Variants in DMD observed in about 807,000 individuals in gnomAD.
DMD encodes dystrophin.
In DMD, 63 loss-of-function variants were observed where a neutral mutation model predicts 330.1. The observed-to-expected ratio is 0.19, with a 90% CI of 0.16 to 0.24. The LOEUF (loss-of-function observed/expected upper bound fraction) is 0.24, where lower values mean the gene tolerates loss of function less well. Ranked by LOEUF, DMD falls within the 10% of genes least tolerant of loss-of-function variation. The pLI, the probability that DMD is intolerant of heterozygous loss-of-function variation, is 1.00. For synonymous variants in DMD, 1,223 were observed against 959.8 expected (o/e 1.27, Z -5.07); for missense variants, 3,344 against 2,684.1 (o/e 1.25, Z -5.43).
intron 4 of DMD, among the ~76,000 whole-genome samples, chrX:32,830,337 G>A (rs2079057390): frequency 9.1e-6 from 1 of 110,259 alleles, no homozygotes; most frequent in Non-Finnish European, 1.9e-5. Flanking sequence ...TGTCTTTCAA[G>A]AATTATCAGT....
chrX:31,267,105 G>GAGAAAGAAAGAAAGAAAGAAAGAA (rs72467955), intron 62 of DMD, among the ~76,000 whole-genome samples: 58 of 105,886 alleles, frequency 5.5e-4, no homozygotes, highest in Non-Finnish European at 8.4e-4. Flanking sequence ...AAAAAGAAAA[G>GAGAAAGAAAGAAAGAAAGAAAGAA]AGAAAGAAAG....
chrX:32,433,444 G>A (rs1298573553), intron 29 of DMD, among the ~76,000 whole-genome samples: 4 of 112,023 alleles, frequency 3.6e-5, no homozygotes, highest in East Asian at 2.8e-4. Context: ...TTGGGAGGCC[G>A]AGGCGGGCGG....
chrX:32,852,210 GATAAGGC>G (rs1174152151), intron 2 of DMD, among the ~76,000 whole-genome samples: 1 of 111,467 alleles, frequency 9.0e-6, no homozygotes, highest in Non-Finnish European at 1.9e-5. Context: ...ACCACAGTAG[GATAAGGC>G]ATCAGGCAGA....
chrX:32,675,571 C>G (rs1185385580), intron 9 of DMD, among the ~76,000 whole-genome samples: 2 of 111,398 alleles, frequency 1.8e-5, no homozygotes, highest in East Asian at 5.6e-4. Flanking sequence ...GAAGTGTGTG[C>G]ATAAGTGTGT....
At chrX:32,722,246 G>A (rs1189812705) in intron 7 of DMD, among the ~76,000 whole-genome samples, 1 of 109,916 alleles carries the variant, frequency 9.1e-6, no homozygotes, top group Admixed American at 9.8e-5. Flanking sequence ...TTCCACGGAT[G>A]CAACTGTAGA....
intron 60 of DMD, among the ~76,000 whole-genome samples, chrX:31,401,377 T>C (rs932835050): frequency 8.9e-6 from 1 of 112,147 alleles, no homozygotes; most frequent in South Asian, 3.7e-4. Context: ...GGATAAGAAA[T>C]AGAAAAACTT....
chrX:32,835,757 T>A (rs952882058), intron 4 of DMD, among the ~76,000 whole-genome samples: 3 of 111,475 alleles, frequency 2.7e-5, no homozygotes, highest in Non-Finnish European at 5.6e-5. Flanking sequence ...AACTAGTGAT[T>A]TATGGCAGAG....
At chrX:33,187,598 T>G (rs1269499275) in intron 1 of DMD, among the ~76,000 whole-genome samples, 1 of 111,249 alleles carries the variant, frequency 9.0e-6, no homozygotes, top group Non-Finnish European at 1.9e-5. Context: ...AAAAATAAGG[T>G]AGTTTAGCAT....
At chrX:31,583,349 T>C (rs1290681971) in intron 55 of DMD, among the ~76,000 whole-genome samples, 2 of 111,700 alleles carry the variant, frequency 1.8e-5, no homozygotes, top group South Asian at 3.8e-4. Flanking sequence ...ATACTTATTA[T>C]GGAAGAGGCT....
intron 57 of DMD, among the ~76,000 whole-genome samples, chrX:31,479,694 T>G (rs2068093500): frequency 8.9e-6 from 1 of 112,387 alleles, no homozygotes; most frequent in Admixed American, 9.4e-5. Flanking sequence ...AGAAATGTTT[T>G]GAGCTATTAT....
chrX:32,534,783 G>T (rs2047803856), intron 17 of DMD, among the ~76,000 whole-genome samples: 1 of 110,352 alleles, frequency 9.1e-6, no homozygotes, highest in African/African-American at 3.3e-5. Flanking sequence ...ATCTTCCAAA[G>T]TCTCCATTTC....
chrX:32,024,892 A>C (rs1382306948), intron 44 of DMD, among the ~76,000 whole-genome samples: 1 of 112,016 alleles, frequency 8.9e-6, no homozygotes, highest in Non-Finnish European at 1.9e-5. Flanking sequence ...CCACTTTATG[A>C]GGGATCATGT....
chrX:32,654,241 G>A (rs2060390910), intron 9 of DMD, among the ~76,000 whole-genome samples: 1 of 111,567 alleles, frequency 9.0e-6, no homozygotes, highest in East Asian at 2.8e-4. Flanking sequence ...TTTTCAAAGG[G>A]AATGCTTCCA....
At chrX:32,194,972 T>C (rs2096992621) in intron 44 of DMD, among the ~76,000 whole-genome samples, 2 of 111,075 alleles carry the variant, frequency 1.8e-5, no homozygotes, top group African/African-American at 6.6e-5. Context: ...TAGGATTGAA[T>C]AGGAAGAGAA....
At chrX:32,874,438 TTC>T (rs1288657690) in intron 2 of DMD, among the ~76,000 whole-genome samples, 12 of 110,631 alleles carry the variant, frequency 1.1e-4, no homozygotes, top group Non-Finnish European at 1.9e-4. Context: ...ACTGCCAGTT[TTC>T]TCTCTCGCCT....
intron 1 of DMD, among the ~76,000 whole-genome samples, chrX:33,122,850 A>G (rs966091971): frequency 1.8e-5 from 2 of 111,867 alleles, no homozygotes; most frequent in Non-Finnish European, 3.8e-5. Flanking sequence ...TCTCTAAAAC[A>G]CAGAGGCTGA....
chrX:31,143,813 T>C (rs1858327548), intron 76 of DMD, among the ~76,000 whole-genome samples: 1 of 111,726 alleles, frequency 9.0e-6, no homozygotes, highest in Admixed American at 9.5e-5. Flanking sequence ...ACCACTAAAA[T>C]ATGTAACTTA....
chrX:33,154,247 A>C (rs2048399613), intron 1 of DMD, among the ~76,000 whole-genome samples: 1 of 110,917 alleles, frequency 9.0e-6, no homozygotes, highest in African/African-American at 3.3e-5. Context: ...AAATACAAAA[A>C]TTAGCCAGGC....
intron 49 of DMD, among the ~76,000 whole-genome samples, chrX:31,825,201 A>G (rs1009000833): frequency 1.8e-5 from 2 of 112,197 alleles, no homozygotes; most frequent in Admixed American, 1.9e-4. Flanking sequence ...AGCAATGAGA[A>G]GTAATCATTC....
Sources: allele counts gnomAD v4.1 joint callset (sites outside exome capture counted in the v4.1 genomes callset), GRCh38; gene constraint gnomAD v4.1.1; transcripts MANE v1.5; gene names NCBI Gene and HGNC (gene_info 2026-07-23, HGNC 2026-07-21).